ZNF536: variants seen among roughly 807,000 people sequenced by gnomAD.
ZNF536 encodes the protein zinc finger protein 536.
In ZNF536, 13 loss-of-function variants were observed where a neutral mutation model predicts 84.5. The observed-to-expected ratio is 0.15, with a 90% CI of 0.10 to 0.24. The LOEUF is 0.24. ZNF536 is among the 10% of genes least tolerant of loss of function. ZNF536 has a pLI of 1.00. For synonymous variants in ZNF536, 811 were observed against 742.5 expected (o/e 1.09, Z -1.50); for missense variants, 1,536 against 1,747.5 (o/e 0.88, Z 2.16).
intron 1 of ZNF536, among the ~76,000 whole-genome samples, chr19:30,375,887 G>A (rs1165115223): frequency 6.6e-6 from 1 of 151,764 alleles, no homozygotes; most frequent in Non-Finnish European, 1.5e-5. Flanking sequence ...GTGCGTGTGT[G>A]TGTTAGGGAT....
At chr19:30,539,824 G>A (rs978342798) in intron 3 of ZNF536, among the ~76,000 whole-genome samples, 5 of 152,194 alleles carry the variant, frequency 3.3e-5, no homozygotes, top group Non-Finnish European at 5.9e-5. Context: ...CACCTCATGC[G>A]TGGCTGCGGG....
At chr19:30,458,058 A>C (rs1457722817) in intron 2 of ZNF536, among the ~76,000 whole-genome samples, 2 of 152,186 alleles carry the variant, frequency 1.3e-5, no homozygotes, top group East Asian at 3.9e-4. Flanking sequence ...ATACTTAGAT[A>C]TTAAGCCAGA....
chr19:30,654,160 A>AT (rs1356428713), intron 1 of ZNF536, among the ~76,000 whole-genome samples: 4 of 152,108 alleles, frequency 2.6e-5, no homozygotes, highest in African/African-American at 9.7e-5. Flanking sequence ...CCTGGCTGCT[A>AT]CCTGGCAGCA....
intron 1 of ZNF536, among the ~76,000 whole-genome samples, chr19:30,679,627 A>G (rs2050888986): frequency 6.6e-6 from 1 of 152,174 alleles, no homozygotes; most frequent in South Asian, 2.1e-4. Context: ...GGGAAGGGCC[A>G]GATCCTACTG....
intron 3 of ZNF536, among the ~76,000 whole-genome samples, chr19:30,366,471 T>G (rs961751350): frequency 6.6e-6 from 1 of 151,870 alleles, no homozygotes; most frequent in African/African-American, 2.4e-5. Context: ...CTCCTTCCCT[T>G]CCTTTTCTCT....
chr19:30,278,430 G>A (rs927983835), intron 1 of ZNF536, among the ~76,000 whole-genome samples: 1 of 152,108 alleles, frequency 6.6e-6, no homozygotes, highest in Non-Finnish European at 1.5e-5. Flanking sequence ...CAGTAAAGGT[G>A]GTGTGGGCGG....
chr19:30,540,695 G>T lies in ZNF536; in HGVS notation c.2323+5696G>T, dbSNP rs576414297. 4.6e-5 allele frequency among the ~76,000 whole-genome samples: 7 copies of T among 152,296 alleles called. No individual in the cohort carries two copies. The South Asian group carries it at 1.4e-3, about 32-fold the overall frequency. ...AATTCAGAATCTCATTCTCTTCACCGCTGCATTGTATTGCTACTTTTTACT... is the reference window on the plus strand; with the variant it reads ...AATTCAGAATCTCATTCTCTTCACCTCTGCATTGTATTGCTACTTTTTACT... On this transcript the variant is annotated intron_variant, in intron 3 of 4. Transcript: ENST00000355537.
At chr19:30,454,819 G>T (rs1316954479) in intron 2 of ZNF536, among the ~76,000 whole-genome samples, 1 of 152,178 alleles carries the variant, frequency 6.6e-6, no homozygotes, top group East Asian at 1.9e-4. Context: ...GATCACATGA[G>T]GTCAGGAGTT....
At chr19:30,279,726 C>T (rs888814453) in intron 1 of ZNF536, among the ~76,000 whole-genome samples, 4 of 152,132 alleles carry the variant, frequency 2.6e-5, no homozygotes, top group South Asian at 2.1e-4. Context: ...AGAGGGGGTT[C>T]CGAGGCATTG....
chr19:30,226,777 G>T (rs2022637191), upstream of ZNF536, among the ~76,000 whole-genome samples: 1 of 152,182 alleles, frequency 6.6e-6, no homozygotes, highest in Admixed American at 6.5e-5. This position sits in a 1 kb window ranked among gnomAD's most constrained non-coding sequence, Gnocchi z 4.6. Flanking sequence ...GGGCGTGGGG[G>T]CTCTGGAAGG....
At chr19:30,284,085 C>A (rs1295450761) in exon 2 of ZNF536, 1 of 152,194 alleles carries the variant, frequency 6.6e-6, no homozygotes. Flanking sequence ...CTGACCACCA[C>A]GGCTTTAAGA....
At chr19:30,494,660 T>C (rs2054641394) in intron 2 of ZNF536, among the ~76,000 whole-genome samples, 1 of 152,142 alleles carries the variant, frequency 6.6e-6, no homozygotes, top group Non-Finnish European at 1.5e-5. Flanking sequence ...CGGGGCCTTT[T>C]TGAGGGTATT....
rs536531059 is a variant in ZNF536 at position 30,387,449 on chromosome 19, A to G, written c.-3+14893A>G. On this transcript the variant is annotated intron_variant, in intron 1 of 4. Coordinates refer to ENST00000355537, the MANE Select transcript of ZNF536 (RefSeq NM_014717.3). ...AGAGATGCCCAGAACCTGCCCTCCCATGGTTGACGGCGGTGAGGGACCCAC... is the reference window on the plus strand; with the variant it reads ...AGAGATGCCCAGAACCTGCCCTCCCGTGGTTGACGGCGGTGAGGGACCCAC... Among the ~76,000 whole-genome samples, 21 of 152,210 alleles carry G rather than the reference A, an allele frequency of 1.4e-4. 1 individual carries two copies. In the South Asian group the frequency reaches 4.0e-3, roughly 29 times the overall value.
chr19:30,597,632 T>C (rs1476623755), intron 1 of ZNF536, among the ~76,000 whole-genome samples: 2 of 152,242 alleles, frequency 1.3e-5, no homozygotes, highest in Non-Finnish European at 2.9e-5. Context: ...TCTTGGTTTC[T>C]AAATTAGGGA....
intron 1 of ZNF536, among the ~76,000 whole-genome samples, chr19:30,372,821 C>G (rs1294341499): frequency 1.9e-5 from 2 of 103,284 alleles, no homozygotes; most frequent in African/African-American, 5.7e-5. Flanking sequence ...TAATTCTCTC[C>G]ATCACCCGCC....
At chr19:30,603,295 A>G (rs2047757481) in intron 1 of ZNF536, among the ~76,000 whole-genome samples, 1 of 151,900 alleles carries the variant, frequency 6.6e-6, no homozygotes, top group Non-Finnish European at 1.5e-5. Flanking sequence ...GAAAGAAAGA[A>G]TGGATGGATG....
At chr19:30,685,271 A>G (rs1019569930) in intron 1 of ZNF536, among the ~76,000 whole-genome samples, 1 of 152,186 alleles carries the variant, frequency 6.6e-6, no homozygotes, top group African/African-American at 2.4e-5. Context: ...ACAGGGATGC[A>G]ATGACAGTGA....
chr19:30,526,676 A>G (rs1377902548), intron 2 of ZNF536, among the ~76,000 whole-genome samples: 4 of 112,960 alleles, frequency 3.5e-5, no homozygotes, highest in African/African-American at 1.1e-4. Context: ...GTGAGCCGAG[A>G]TTGCGCCACT....
chr19:30,549,715 C>G (rs939136227), intron 4 of ZNF536, among the ~76,000 whole-genome samples: 7 of 152,122 alleles, frequency 4.6e-5, no homozygotes, highest in Non-Finnish European at 1.0e-4. Context: ...CTTTTGTGTT[C>G]TAATTTGCAT....
Sources: allele counts gnomAD v4.1 joint callset (sites outside exome capture counted in the v4.1 genomes callset), GRCh38; gene constraint gnomAD v4.1.1; non-coding constraint Gnocchi (gnomAD v3.1); transcripts MANE v1.5; gene names NCBI Gene and HGNC (gene_info 2026-07-23, HGNC 2026-07-21).